CMSS1: variants seen among roughly 807,000 people sequenced by gnomAD.
The protein encoded by CMSS1 is cms1 ribosomal small subunit homolog, also known as protein CMSS1.
In CMSS1, 33 loss-of-function variants were observed where a neutral mutation model predicts 43.5. The ratio of observed to expected loss-of-function variants is 0.76; its 90% CI spans 0.57 to 1.01. The LOEUF (loss-of-function observed/expected upper bound fraction) is 1.01, where lower values mean the gene tolerates loss of function less well. CMSS1 is among the 50% of genes least tolerant of loss of function. CMSS1 has a pLI of 0.00. For missense variants in CMSS1, 313 were observed against 326.4 expected, an observed-to-expected ratio of 0.96 and a Z score of 0.32; for synonymous variants, 115 against 117.2, an observed-to-expected ratio of 0.98 and a Z score of 0.12.
chr3:99,859,857 T>G (rs1016698455), intron 1 of CMSS1, among the ~76,000 whole-genome samples: 2 of 152,202 alleles, frequency 1.3e-5, no homozygotes, highest in African/African-American at 4.8e-5. Flanking sequence ...GTCTAAATTT[T>G]AAGAGCACTC....
At chr3:100,030,361 A>G (rs773561292) in intron 1 of CMSS1, among the ~76,000 whole-genome samples, 5 of 152,174 alleles carry the variant, frequency 3.3e-5, no homozygotes, top group African/African-American at 9.6e-5. Flanking sequence ...TTGGTTTTCC[A>G]TGAAAGAAAC....
chr3:99,974,709 A>AAACAAC (rs371476675), intron 1 of CMSS1, among the ~76,000 whole-genome samples: 16 of 152,022 alleles, frequency 1.1e-4, no homozygotes, highest in South Asian at 6.2e-4. Context: ...CTCCATCTCA[A>AAACAAC]AACAACAACA....
chr3:99,910,802 G>T, intron 1 of CMSS1, among the ~76,000 whole-genome samples: 1 of 152,006 alleles, frequency 6.6e-6, no homozygotes, highest in Admixed American at 6.6e-5. Context: ...TTTTATAGAT[G>T]GAAGCATCAA....
chr3:99,848,068 A>G, intron 1 of CMSS1: 1 of 1,309,718 alleles, frequency 7.6e-7, no homozygotes. Context: ...TTTCCATACA[A>G]GTATGTAAAT....
chr3:99,961,257 T>G (rs1314499746), intron 1 of CMSS1, among the ~76,000 whole-genome samples: 1 of 152,182 alleles, frequency 6.6e-6, no homozygotes, highest in Non-Finnish European at 1.5e-5. Flanking sequence ...TTATCCCCTG[T>G]GTTGGAATGC....
intron 1 of CMSS1, among the ~76,000 whole-genome samples, chr3:100,120,335 G>A (rs114315448): frequency 0.012 from 1,862 of 152,236 alleles, 24 homozygotes; most frequent in African/African-American, 0.028. Context: ...TTCCAAATAG[G>A]CACTGGTTCT....
At chr3:99,955,950 T>C (rs1321920454) in intron 1 of CMSS1, among the ~76,000 whole-genome samples, 1 of 152,210 alleles carries the variant, frequency 6.6e-6, no homozygotes, top group Admixed American at 6.5e-5. Flanking sequence ...CACATTGTTA[T>C]GACGTATTTA....
chr3:100,154,349 A>G (rs1165649869), intron 2 of CMSS1, among the ~76,000 whole-genome samples: 3 of 151,928 alleles, frequency 2.0e-5, no homozygotes, highest in Admixed American at 2.0e-4. Flanking sequence ...ATTTTTGTTT[A>G]GTAAATACAT....
At chr3:100,174,377 G>A (rs1201710678) in intron 8 of CMSS1, among the ~76,000 whole-genome samples, 2 of 151,044 alleles carry the variant, frequency 1.3e-5, no homozygotes, top group Admixed American at 1.3e-4. Flanking sequence ...CCCACCCCAT[G>A]CAACAGGATT....
rs1031654868 is a variant in CMSS1 at position 100,106,881 on chromosome 3, A to G, written c.65-40092A>G. 5.3e-5 allele frequency among the ~76,000 whole-genome samples: 8 copies of G among 152,208 alleles called. No individual in the cohort carries two copies. The South Asian group carries it at 6.2e-4, about 12-fold the overall frequency. Reference sequence around the variant, plus strand: ...TGTTGCTTTTTAAAAATATGCAGAAAGTTAATAAGATAACAGAAGTATGCT... The same window carrying G: ...TGTTGCTTTTTAAAAATATGCAGAAGGTTAATAAGATAACAGAAGTATGCT... On this transcript the variant is annotated intron_variant, in intron 1 of 9. Coordinates refer to ENST00000421999, the MANE Select transcript of CMSS1 (RefSeq NM_032359.4).
At chr3:100,141,453 T>C (rs1319533602) in intron 1 of CMSS1, 1 of 426,684 alleles carries the variant, frequency 2.3e-6, no homozygotes, top group Admixed American at 2.6e-5. Flanking sequence ...TCTTAACATA[T>C]TGTGGTGAAG....
intron 1 of CMSS1, among the ~76,000 whole-genome samples, chr3:100,000,168 A>G (rs1046119863): frequency 6.6e-6 from 1 of 152,170 alleles, no homozygotes; most frequent in African/African-American, 2.4e-5. Flanking sequence ...TTGTTCCACA[A>G]AAATTTCTTC....
chr3:99,851,133 T>G, intron 1 of CMSS1: 2 of 1,262,616 alleles, frequency 1.6e-6, no homozygotes, highest in East Asian at 4.7e-5. Flanking sequence ...CGAATGTACT[T>G]AAATATATAT....
At chr3:99,920,254 G>A (rs2035401) in intron 1 of CMSS1, among the ~76,000 whole-genome samples, 3 of 152,052 alleles carry the variant, frequency 2.0e-5, no homozygotes, top group Admixed American at 2.0e-4. Flanking sequence ...TCAAAAAAAA[G>A]CAACTCTTTT....
intron 1 of CMSS1, among the ~76,000 whole-genome samples, chr3:99,981,835 C>T (rs906639579): frequency 2.2e-4 from 33 of 152,104 alleles, no homozygotes; most frequent in Non-Finnish European, 7.3e-5. Context: ...GTTCGTGAGA[C>T]AACATTGCAG....
At chr3:99,957,890 A>C (rs2080548229) in intron 1 of CMSS1, among the ~76,000 whole-genome samples, 1 of 149,528 alleles carries the variant, frequency 6.7e-6, no homozygotes, top group African/African-American at 2.5e-5. Context: ...GTCATTTTTT[A>C]GATTCAACAA....
chr3:100,146,946 C>T (rs2066856541), intron 1 of CMSS1, 27 bp from the exon 2 acceptor site: 8 of 1,606,788 alleles, frequency 5.0e-6, no homozygotes, highest in Non-Finnish European at 6.8e-6. Flanking sequence ...AGAGACTTTT[C>T]TGATTTTCAA....
intron 1 of CMSS1, among the ~76,000 whole-genome samples, chr3:99,821,139 CAA>C (rs1474340462): frequency 7.9e-5 from 12 of 152,150 alleles, no homozygotes; most frequent in Non-Finnish European, 1.5e-4. Context: ...TGGTATGTAA[CAA>C]AGTTTTCATG....
chr3:99,833,678 G>A (rs1942779683), intron 1 of CMSS1, among the ~76,000 whole-genome samples: 2 of 152,186 alleles, frequency 1.3e-5, no homozygotes, highest in Non-Finnish European at 2.9e-5. Flanking sequence ...AGAAAGCAGT[G>A]TTTTCTCAGG....
Sources: gnomAD v4.1 joint callset for allele counts (sites outside exome capture counted in the v4.1 genomes callset) on GRCh38, gnomAD v4.1.1 for gene constraint, MANE v1.5 for transcripts, NCBI Gene and HGNC (gene_info 2026-07-23, HGNC 2026-07-21) for gene names.